KIAA1217: variants seen among roughly 807,000 people sequenced by gnomAD.
The protein encoded by KIAA1217 is KIAA1217.
In KIAA1217, 88 loss-of-function variants were observed where a neutral mutation model predicts 163.9. That is an observed-to-expected ratio of 0.54 (90% CI 0.45 to 0.64). The LOEUF is 0.64. Ranked by LOEUF, KIAA1217 falls within the 30% of genes least tolerant of loss-of-function variation. KIAA1217 has a pLI of 0.00. For synonymous variants in KIAA1217, 903 were observed against 923.1 expected (o/e 0.98, Z 0.39); for missense variants, 2,372 against 2,475.0 (o/e 0.96, Z 0.88).
At chr10:24,422,598 C>T (rs373130085) in intron 3 of KIAA1217, among the ~76,000 whole-genome samples, 4 of 152,272 alleles carry the variant, frequency 2.6e-5, no homozygotes, top group African/African-American at 9.6e-5. Flanking sequence ...TTGGAAGGAC[C>T]AGGAGGATCA....
chr10:23,790,724 T>G (rs1835907195), intron 1 of KIAA1217, among the ~76,000 whole-genome samples: 1 of 149,042 alleles, frequency 6.7e-6, no homozygotes, highest in Non-Finnish European at 1.5e-5. Flanking sequence ...TGTATGTATG[T>G]ATGTATGTAT....
chr10:24,498,964 A>G (rs2067166207), intron 8 of KIAA1217, among the ~76,000 whole-genome samples: 1 of 152,192 alleles, frequency 6.6e-6, no homozygotes, highest in Non-Finnish European at 1.5e-5. Context: ...GTGTAAGGAG[A>G]AAGAGGTATA....
intron 5 of KIAA1217, among the ~76,000 whole-genome samples, chr10:24,458,084 C>T (rs1283717056): frequency 6.6e-6 from 1 of 152,244 alleles, no homozygotes; most frequent in Admixed American, 6.5e-5. Context: ...ACTCCTTCAG[C>T]TGTTGGTGCA....
chr10:24,079,099 G>A (rs924985228), intron 2 of KIAA1217, among the ~76,000 whole-genome samples: 18 of 152,224 alleles, frequency 1.2e-4, no homozygotes, highest in South Asian at 8.3e-4. Flanking sequence ...GACGATACAG[G>A]AGACTTGTGT....
At chr10:24,417,612 C>T (rs1345868660) in intron 3 of KIAA1217, among the ~76,000 whole-genome samples, 3 of 151,994 alleles carry the variant, frequency 2.0e-5, no homozygotes, top group East Asian at 1.9e-4. Context: ...CCCCCGTGGA[C>T]GGCTGGCCAT....
At position 23,821,991 on chromosome 10, in the gene KIAA1217, T is replaced by A. The variant is rs147196858; in HGVS notation, c.-321+126757T>A. ...TCTCCTGAAGCCCCTGCTGCTTGTG[T>A]TCAGGCTACAGCTACTCAGACCATC... On this transcript the variant is annotated intron_variant, in intron 1 of 18. Coordinates refer to the KIAA1217 transcript ENST00000376462. 1.3e-3 allele frequency among the ~76,000 whole-genome samples: 203 copies of A among 152,310 alleles called. 1 individual carries two copies. Among genetic ancestry groups the A allele is most frequent in the African/African-American group, 4.5e-3 (189 of 41,570 alleles).
At chr10:24,364,223 C>T (rs1199206299) in intron 2 of KIAA1217, among the ~76,000 whole-genome samples, 1 of 147,280 alleles carries the variant, frequency 6.8e-6, no homozygotes, top group East Asian at 1.9e-4. Flanking sequence ...AGGTGATCCA[C>T]CCGCCTCAGC....
chr10:24,487,567 C>T (rs1411044089), intron 6 of KIAA1217, among the ~76,000 whole-genome samples: 2 of 152,242 alleles, frequency 1.3e-5, no homozygotes, highest in Admixed American at 6.5e-5. Flanking sequence ...ATTCTGTCAA[C>T]ACCTCAGTGA....
chr10:24,132,482 G>A (rs183973337), intron 2 of KIAA1217, among the ~76,000 whole-genome samples: 46 of 152,288 alleles, frequency 3.0e-4, no homozygotes, highest in South Asian at 2.1e-3. Flanking sequence ...TAGAGGCTAC[G>A]AGGAATATAA....
At chr10:23,834,548 T>C (rs1003602113) in intron 1 of KIAA1217, among the ~76,000 whole-genome samples, 1 of 152,098 alleles carries the variant, frequency 6.6e-6, no homozygotes, top group Admixed American at 6.6e-5. Flanking sequence ...TGTAAGAAGA[T>C]GGTTAAGTAC....
At chr10:24,357,347 C>A (rs928738633) in intron 2 of KIAA1217, among the ~76,000 whole-genome samples, 2 of 152,214 alleles carry the variant, frequency 1.3e-5, no homozygotes, top group African/African-American at 4.8e-5. Context: ...GAAGTGCATT[C>A]TGGACTAGCT....
intron 1 of KIAA1217, among the ~76,000 whole-genome samples, chr10:24,211,418 T>C (rs1287838987): frequency 1.4e-5 from 2 of 142,590 alleles, no homozygotes; most frequent in Non-Finnish European, 3.0e-5. Context: ...TCACCCAGAC[T>C]GGAGTGCAGT....
chr10:24,331,067 C>T (rs1478315714), intron 2 of KIAA1217, among the ~76,000 whole-genome samples: 1 of 152,102 alleles, frequency 6.6e-6, no homozygotes, highest in African/African-American at 2.4e-5. Flanking sequence ...CCTCGGTCTC[C>T]CAGGTAGCTG....
intron 1 of KIAA1217, among the ~76,000 whole-genome samples, chr10:24,214,867 C>T (rs1022855591): frequency 1.3e-5 from 2 of 152,218 alleles, no homozygotes; most frequent in Non-Finnish European, 2.9e-5. Context: ...CTGTTGCTGG[C>T]TCTGGAGCAG....
chr10:24,458,800 A>G (rs137904752), intron 5 of KIAA1217, among the ~76,000 whole-genome samples: 476 of 152,250 alleles, frequency 3.1e-3, no homozygotes, highest in African/African-American at 0.011. Context: ...TTAATTGACA[A>G]TATTTATAAT....
intron 2 of KIAA1217, among the ~76,000 whole-genome samples, chr10:24,085,104 C>T (rs1426564793): frequency 6.6e-6 from 1 of 151,810 alleles, no homozygotes; most frequent in Non-Finnish European, 1.5e-5. Flanking sequence ...TTAGTAGAGA[C>T]GGCGTTTCAC....
At chr10:23,826,307 T>C (rs917884644) in intron 1 of KIAA1217, among the ~76,000 whole-genome samples, 1 of 152,204 alleles carries the variant, frequency 6.6e-6, no homozygotes, top group Non-Finnish European at 1.5e-5. Flanking sequence ...TAGCATCTTA[T>C]TATTTACATT....
chr10:23,895,057 T>A (rs1589030720), intron 1 of KIAA1217, among the ~76,000 whole-genome samples: 1 of 151,956 alleles, frequency 6.6e-6, no homozygotes, highest in Non-Finnish European at 1.5e-5. Flanking sequence ...AACCTAGGCA[T>A]TACCATTCAG....
intron 2 of KIAA1217, among the ~76,000 whole-genome samples, chr10:24,260,336 A>G (rs1194188313): frequency 6.6e-6 from 1 of 152,176 alleles, no homozygotes; most frequent in Non-Finnish European, 1.5e-5. Context: ...CTTCTGGGCT[A>G]GGAGAGACAC....
Sources: allele counts gnomAD v4.1 joint callset (sites outside exome capture counted in the v4.1 genomes callset), GRCh38; gene constraint gnomAD v4.1.1; transcripts MANE v1.5; gene names NCBI Gene and HGNC (gene_info 2026-07-23, HGNC 2026-07-21).